Variants in FAM117B observed in about 807,000 individuals in gnomAD.
FAM117B encodes the protein protein FAM117B.
FAM117B carries 22 observed loss-of-function variants against 52.8 expected under a neutral mutation model. The observed-to-expected ratio is 0.42, with a 90% CI of 0.30 to 0.59. FAM117B has a LOEUF of 0.59. Among genes scored for constraint, FAM117B ranks in the 20% least tolerant of loss-of-function variants. FAM117B has a pLI of 0.22. For missense variants in FAM117B, 678 were observed against 802.6 expected (o/e 0.84, Z 1.88); for synonymous variants, 309 against 324.1 (o/e 0.95, Z 0.50).
chr2:202,683,434 GTTAA>G (rs1223163758), intron 1 of FAM117B, among the ~76,000 whole-genome samples: 2 of 152,192 alleles, frequency 1.3e-5, no homozygotes, highest in African/African-American at 4.8e-5. Flanking sequence ...TAAACCTTTA[GTTAA>G]TTTATGAAGG....
intron 3 of FAM117B, among the ~76,000 whole-genome samples, chr2:202,725,584 G>T (rs1691229815): frequency 6.6e-6 from 1 of 152,278 alleles, no homozygotes; most frequent in African/African-American, 2.4e-5. Context: ...CTCCCAAAGT[G>T]CTGGGATTAC....
intron 1 of FAM117B, among the ~76,000 whole-genome samples, chr2:202,693,277 A>C (rs958755906): frequency 2.0e-5 from 3 of 152,220 alleles, no homozygotes; most frequent in African/African-American, 7.2e-5. Context: ...GTCCCCCAGA[A>C]GGTTAGGTGC....
Position 202,726,274 on chromosome 2 carries a change from C to G in FAM117B, c.871C>G (p.Gln291Glu). 6.2e-7 allele frequency: 1 copy of G among 1,612,278 alleles called. No homozygotes were observed. The highest frequency in any genetic ancestry group is 2.2e-5 in the East Asian group (1 of 44,734). The part of the protein sequence containing the change: ...KEIAKLRQQL[Q>E]RSKHSSRHHR... ...GATTGCAAAATTACGCCAGCAGTTG[C>G]AGAGAAGTAAACACAGCAGTCGGCA... The change falls in exon 4 of 8, where the codon CAG becomes GAG. Residue 291 changes from glutamine (Q) to glutamate (E), a missense_variant. Physicochemically the swap from Gln to Glu is conservative, Grantham distance 29. Transcript: ENST00000392238.
At chr2:202,760,075 A>G (rs1691861511) in intron 7 of FAM117B, among the ~76,000 whole-genome samples, 1 of 152,240 alleles carries the variant, frequency 6.6e-6, no homozygotes, top group African/African-American at 2.4e-5. Flanking sequence ...AGATTAGATA[A>G]TAGCTAACAT....
chr2:202,753,176 G>C (rs1471970769), intron 4 of FAM117B, among the ~76,000 whole-genome samples: 2 of 152,124 alleles, frequency 1.3e-5, no homozygotes, highest in Non-Finnish European at 2.9e-5. Flanking sequence ...CAGACATATA[G>C]ACCAACGGAG....
chr2:202,637,011 C>T (rs1240591182), intron 1 of FAM117B, among the ~76,000 whole-genome samples: 2 of 150,566 alleles, frequency 1.3e-5, no homozygotes, highest in Non-Finnish European at 3.0e-5. Flanking sequence ...ACGATTCTGC[C>T]TCAGTCTCCT....
At chr2:202,699,291 G>T (rs1204616330) in intron 2 of FAM117B, among the ~76,000 whole-genome samples, 1 of 151,406 alleles carries the variant, frequency 6.6e-6, no homozygotes, top group Non-Finnish European at 1.5e-5. Flanking sequence ...GCCAGGCGTG[G>T]TGGCGTGCAC....
intron 1 of FAM117B, among the ~76,000 whole-genome samples, chr2:202,681,486 C>T (rs1690462086): frequency 6.6e-6 from 1 of 152,028 alleles, no homozygotes; most frequent in African/African-American, 2.4e-5. Context: ...CGTAGGAAAG[C>T]TAATATAGTG....
chr2:202,731,827 C>T (rs1014365643), intron 4 of FAM117B, among the ~76,000 whole-genome samples: 3 of 151,928 alleles, frequency 2.0e-5, no homozygotes, highest in Admixed American at 6.6e-5. Flanking sequence ...TCTCCGCCTA[C>T]CAGGTTCAAG....
At chr2:202,643,857 G>A (rs1286765396) in intron 1 of FAM117B, among the ~76,000 whole-genome samples, 2 of 151,992 alleles carry the variant, frequency 1.3e-5, no homozygotes, top group Non-Finnish European at 2.9e-5. Context: ...TTGTAGGTGT[G>A]TAGCACCATT....
At chr2:202,725,665 C>T (rs1222487471) in intron 3 of FAM117B, among the ~76,000 whole-genome samples, 1 of 152,174 alleles carries the variant, frequency 6.6e-6, no homozygotes, top group African/African-American at 2.4e-5. Flanking sequence ...AAATGCAGTA[C>T]TCACTATAAC....
chr2:202,669,586 A>G (rs1690259009), intron 1 of FAM117B, among the ~76,000 whole-genome samples: 1 of 152,210 alleles, frequency 6.6e-6, no homozygotes, highest in African/African-American at 2.4e-5. Flanking sequence ...GATAAAAACT[A>G]TCATTTGAGA....
At chr2:202,748,760 C>A (rs1691676756) in intron 4 of FAM117B, among the ~76,000 whole-genome samples, 1 of 151,986 alleles carries the variant, frequency 6.6e-6, no homozygotes, top group Non-Finnish European at 1.5e-5. Context: ...AATCCAAATC[C>A]ATAATGAGAT....
chr2:202,724,051 C>CTTTTTTTTTTTTT (rs34063266), intron 2 of FAM117B, among the ~76,000 whole-genome samples: 2 of 89,792 alleles, frequency 2.2e-5, no homozygotes, highest in Admixed American at 1.7e-4. Flanking sequence ...TAAGGTTTAA[C>CTTTTTTTTTTTTT]TTTTTTTTTT....
At chr2:202,650,928 C>A (rs1689945905) in intron 1 of FAM117B, among the ~76,000 whole-genome samples, 1 of 152,120 alleles carries the variant, frequency 6.6e-6, no homozygotes, top group South Asian at 2.1e-4. Context: ...AAATATTAAT[C>A]TCCTTTGGCA....
chr2:202,766,818 ATGT>A lies in FAM117B; in HGVS notation c.*1061_*1063del, dbSNP rs1273235662. 1.3e-5 allele frequency: 2 copies of A among 152,220 alleles called. No individual in the cohort carries two copies. Among genetic ancestry groups the A allele is most frequent in the South Asian group, 4.2e-4 (2 of 4,818 alleles). The allele number at this position is 152,220 out of a possible 1,614,324, so 9.4% of individuals were successfully genotyped here. On this transcript the variant is annotated 3_prime_UTR_variant, in exon 8 of 8. Coordinates refer to ENST00000392238, the MANE Select transcript of FAM117B (RefSeq NM_173511.4). The stretch of plus-strand genomic sequence containing the variant: ...ATGGATTTCCTCCTTTGCCCTTGTG[ATGT>A]TGTTGTCTTGTGGATTTGGTTGGGC...
intron 1 of FAM117B, among the ~76,000 whole-genome samples, chr2:202,672,404 G>C (rs1390381314): frequency 6.6e-6 from 1 of 152,040 alleles, no homozygotes; most frequent in Non-Finnish European, 1.5e-5. Flanking sequence ...GTAGAGATGG[G>C]GTTTCACCAT....
chr2:202,726,946 T>TAA (rs879811734), intron 4 of FAM117B, among the ~76,000 whole-genome samples: 7 of 147,738 alleles, frequency 4.7e-5, no homozygotes, highest in African/African-American at 1.2e-4. Flanking sequence ...TAAAAAAATG[T>TAA]AAAAAAAAAA....
chr2:202,658,222 T>A (rs72926994), intron 1 of FAM117B, among the ~76,000 whole-genome samples: 222 of 152,166 alleles, frequency 1.5e-3, no homozygotes, highest in Non-Finnish European at 2.4e-3. Context: ...ATTTTCCTTC[T>A]GCTTGAAGAT....
Sources: gnomAD v4.1 joint callset for allele counts (sites outside exome capture counted in the v4.1 genomes callset) on GRCh38, gnomAD v4.1.1 for gene constraint, MANE v1.5 for transcripts, NCBI Gene and HGNC (gene_info 2026-07-23, HGNC 2026-07-21) for gene names.